The following SGCD variants were observed in gnomAD, a reference collection of about 807,000 sequenced individuals.
SGCD encodes delta-sarcoglycan.
A neutral mutation model predicts 36.6 loss-of-function variants in SGCD; 18 were observed. That is an observed-to-expected ratio of 0.49 (90% CI 0.34 to 0.73). The LOEUF is 0.73. Among genes scored for constraint, SGCD ranks in the 30% least tolerant of loss-of-function variants. The pLI is 0.01. For missense variants in SGCD, 387 were observed against 346.7 expected (o/e 1.12, Z -0.92); for synonymous variants, 133 against 130.6 (o/e 1.02, Z -0.12).
chr5:155,915,197 T>G (rs1440946920), intron 1 of SGCD, among the ~76,000 whole-genome samples: 1 of 152,170 alleles, frequency 6.6e-6, no homozygotes, highest in Non-Finnish European at 1.5e-5. Flanking sequence ...AGGACACTTT[T>G]GAGACATTTT....
intron 7 of SGCD, among the ~76,000 whole-genome samples, chr5:156,672,361 G>A (rs998182323): frequency 4.6e-5 from 7 of 152,168 alleles, no homozygotes; most frequent in Non-Finnish European, 1.5e-5. Context: ...CTGGTTGCCA[G>A]GATGTACATA....
chr5:156,314,278 C>T (rs1767459101), intron 3 of SGCD, among the ~76,000 whole-genome samples: 2 of 152,010 alleles, frequency 1.3e-5, no homozygotes, highest in South Asian at 4.1e-4. Context: ...TCTTGTGAAA[C>T]TTAGTCTATA....
the SGCD span, among the ~76,000 whole-genome samples, chr5:155,792,117 A>C: frequency 6.6e-6 from 1 of 152,136 alleles, no homozygotes; most frequent in Non-Finnish European, 1.5e-5. Flanking sequence ...ATCTACAACT[A>C]TCTGTTATTC....
At chr5:156,756,028 A>T (rs1329857135) in intron 7 of SGCD, among the ~76,000 whole-genome samples, 1 of 152,182 alleles carries the variant, frequency 6.6e-6, no homozygotes, top group East Asian at 1.9e-4. Flanking sequence ...TACCCTACTC[A>T]GAGGCAGTGG....
At chr5:156,598,913 G>A (rs1468000416) in intron 6 of SGCD, among the ~76,000 whole-genome samples, 1 of 152,188 alleles carries the variant, frequency 6.6e-6, no homozygotes, top group Non-Finnish European at 1.5e-5. Context: ...TTGCAGCTAT[G>A]TTTGTGATAT....
chr5:156,444,064 T>TTCTCTCTCTCTC (rs535098783), intron 3 of SGCD, among the ~76,000 whole-genome samples: 27 of 34,496 alleles, frequency 7.8e-4, no homozygotes, highest in East Asian at 2.7e-3. Context: ...CTTTCTCTCC[T>TTCTCTCTCTCTC]TCTCTCTCTC....
intron 7 of SGCD, among the ~76,000 whole-genome samples, chr5:156,726,175 T>C (rs1458411362): frequency 6.6e-6 from 1 of 152,208 alleles, no homozygotes; most frequent in Non-Finnish European, 1.5e-5. Context: ...ACTATTTGCA[T>C]CTTGTTTTCT....
At chr5:156,462,097 TG>T (rs1320674347) in intron 3 of SGCD, among the ~76,000 whole-genome samples, 1 of 152,148 alleles carries the variant, frequency 6.6e-6, no homozygotes, top group Admixed American at 6.6e-5. Context: ...AAGAAATGGA[TG>T]GGAGGTGGGA....
In SGCD at chr5:156,051,890, C is replaced by A. The variant is rs186593615; in HGVS notation, c.-281-65988C>A. ...GGTGGGGAAGGGTTGTTGTTCTGAG[C>A]AGAGGGAATGGGATGTGAAATGCTG... On this transcript the variant is annotated intron_variant, in intron 1 of 9. Transcript: ENST00000517913. Among the ~76,000 whole-genome samples the A allele has an allele frequency of 1.9e-3, 281 of 144,984 alleles. 10 individuals carry two copies. Among genetic ancestry groups the A allele is most frequent in the African/African-American group, 6.8e-3 (275 of 40,410 alleles).
chr5:156,292,990 A>G (rs1225336776), intron 3 of SGCD, among the ~76,000 whole-genome samples: 1 of 151,962 alleles, frequency 6.6e-6, no homozygotes, highest in Non-Finnish European at 1.5e-5. Flanking sequence ...TTCTCTCTAT[A>G]TTCTGAATAT....
At chr5:156,075,192 C>CAA (rs111372223) in intron 1 of SGCD, among the ~76,000 whole-genome samples, 20,487 of 147,188 alleles carry the variant, frequency 0.14, 1,596 homozygotes, top group Non-Finnish European at 0.18. Context: ...GTCAAATTTA[C>CAA]AAAAAAAAAA....
chr5:156,641,816 C>T (rs1196637482), intron 6 of SGCD, among the ~76,000 whole-genome samples: 3 of 152,116 alleles, frequency 2.0e-5, no homozygotes, highest in African/African-American at 7.2e-5. Flanking sequence ...CTCAGCCATC[C>T]ACTCTTCTCT....
chr5:156,741,002 G>C (rs1420487436), intron 7 of SGCD, among the ~76,000 whole-genome samples: 3 of 152,168 alleles, frequency 2.0e-5, no homozygotes, highest in Non-Finnish European at 4.4e-5. Flanking sequence ...GTAACACACA[G>C]AGTAATCCTA....
intron 7 of SGCD, among the ~76,000 whole-genome samples, chr5:156,649,827 G>A (rs1403391731): frequency 1.3e-5 from 2 of 151,944 alleles, no homozygotes; most frequent in East Asian, 1.9e-4. Context: ...AAACCTGCAC[G>A]TTGTGCACAT....
chr5:156,272,657 T>C (rs1766210691), intron 3 of SGCD, among the ~76,000 whole-genome samples: 1 of 152,230 alleles, frequency 6.6e-6, no homozygotes, highest in Non-Finnish European at 1.5e-5. Flanking sequence ...GCCTTCTTGC[T>C]GTCTGCTAAA....
intron 1 of SGCD, among the ~76,000 whole-genome samples, chr5:155,982,175 T>A (rs1346919280): frequency 6.6e-6 from 1 of 152,118 alleles, no homozygotes; most frequent in Non-Finnish European, 1.5e-5. Flanking sequence ...GAGACAAGTG[T>A]GTGTGATGAT....
chr5:156,612,968 A>G (rs372899328), intron 6 of SGCD, among the ~76,000 whole-genome samples: 5 of 152,272 alleles, frequency 3.3e-5, no homozygotes, highest in African/African-American at 1.2e-4. Flanking sequence ...AGTAATAAGG[A>G]CTACTGGGGG....
At chr5:156,484,150 C>A (rs1755559517) in intron 3 of SGCD, among the ~76,000 whole-genome samples, 1 of 152,196 alleles carries the variant, frequency 6.6e-6, no homozygotes, top group Non-Finnish European at 1.5e-5. Flanking sequence ...ATACTCCAGT[C>A]AACGACATTG....
Position 156,477,685 on chromosome 5 carries a change from CA to C in SGCD, c.193-30897del, listed in dbSNP as rs11411986. ...ACAACACAGCTTAAAAGTATTTGAG[CA>C]AAAAAAAAAAAAAAAAAAGTGATGT... On this transcript the variant is annotated intron_variant, in intron 3 of 8. Coordinates refer to ENST00000337851, the MANE Select transcript of SGCD (RefSeq NM_000337.6). Among the ~76,000 whole-genome samples, 996 of 102,156 alleles carry C rather than the reference CA, an allele frequency of 9.7e-3. 5 individuals are homozygous for C. Among genetic ancestry groups the C allele is most frequent in the African/African-American group, 0.023 (635 of 27,258 alleles). The allele number at this position is 102,156 out of a possible 152,430, so 67.0% of individuals were successfully genotyped here.
Sources: allele counts gnomAD v4.1 joint callset (sites outside exome capture counted in the v4.1 genomes callset), GRCh38; gene constraint gnomAD v4.1.1; transcripts MANE v1.5; gene names NCBI Gene and HGNC (gene_info 2026-07-23, HGNC 2026-07-21).